FSTL5: variants seen among roughly 807,000 people sequenced by gnomAD.
The protein encoded by FSTL5 is follistatin like 5.
Under a neutral mutation model 89.1 loss-of-function variants are expected in FSTL5, and 62 were observed. The observed-to-expected ratio is 0.70, with a 90% CI of 0.57 to 0.86. The LOEUF (loss-of-function observed/expected upper bound fraction) is 0.86, where lower values mean the gene tolerates loss of function less well. Ranked by LOEUF, FSTL5 falls within the 40% of genes least tolerant of loss-of-function variation. The pLI is 0.00. For missense variants in FSTL5, 1,057 were observed against 1,001.6 expected, an observed-to-expected ratio of 1.06 and a Z score of -0.75; for synonymous variants, 383 against 346.2, an observed-to-expected ratio of 1.11 and a Z score of -1.18.
chr4:161,990,039 T>C (rs77982905), intron 3 of FSTL5, among the ~76,000 whole-genome samples: 8,370 of 152,250 alleles, frequency 0.055, 265 homozygotes, highest in Non-Finnish European at 0.077. Flanking sequence ...TAAATTTACA[T>C]GCATAGGAAA....
chr4:161,426,423 T>G (rs1732169307), intron 15 of FSTL5, among the ~76,000 whole-genome samples: 1 of 152,308 alleles, frequency 6.6e-6, no homozygotes, highest in African/African-American at 2.4e-5. Context: ...TCTGGAAAGA[T>G]TCTCAGAACT....
At chr4:161,549,844 T>C (rs1329903737) in intron 8 of FSTL5, among the ~76,000 whole-genome samples, 1 of 151,980 alleles carries the variant, frequency 6.6e-6, no homozygotes, top group Non-Finnish European at 1.5e-5. Flanking sequence ...TTCAAATATG[T>C]GCAAAGTTAA....
At chr4:162,015,549 T>C (rs1736892617) in intron 3 of FSTL5, among the ~76,000 whole-genome samples, 2 of 152,166 alleles carry the variant, frequency 1.3e-5, no homozygotes, top group Non-Finnish European at 1.5e-5. Context: ...AGAAAGAACC[T>C]TGCAGTGTAA....
intron 6 of FSTL5, among the ~76,000 whole-genome samples, chr4:161,721,939 A>C (rs1739234298): frequency 6.6e-6 from 1 of 152,194 alleles, no homozygotes; most frequent in Non-Finnish European, 1.5e-5. Context: ...CCAGAGGTCA[A>C]AGTAATTGAA....
chr4:162,012,019 T>C (rs1192293528), intron 3 of FSTL5, among the ~76,000 whole-genome samples: 1 of 152,220 alleles, frequency 6.6e-6, no homozygotes, highest in Non-Finnish European at 1.5e-5. Context: ...TTCATAATTG[T>C]ATATTCTTAT....
intron 7 of FSTL5, among the ~76,000 whole-genome samples, chr4:161,617,560 T>A (rs1052457524): frequency 6.6e-6 from 1 of 152,018 alleles, no homozygotes; most frequent in Non-Finnish European, 1.5e-5. Flanking sequence ...AAATCATACC[T>A]AGGCAAATCA....
intron 6 of FSTL5, among the ~76,000 whole-genome samples, chr4:161,657,725 A>C (rs189751266): frequency 6.6e-6 from 1 of 152,196 alleles, no homozygotes; most frequent in Non-Finnish European, 1.5e-5. Context: ...ATCATCACAA[A>C]TTGCAATGCC....
chr4:162,046,069 T>C (rs1274720210), intron 2 of FSTL5, among the ~76,000 whole-genome samples: 2 of 152,184 alleles, frequency 1.3e-5, no homozygotes, highest in Non-Finnish European at 2.9e-5. Context: ...ATTAAGTTTC[T>C]TATTATCATC....
chr4:161,856,141 A>G (rs1218936920), intron 4 of FSTL5, among the ~76,000 whole-genome samples: 1 of 152,110 alleles, frequency 6.6e-6, no homozygotes, highest in African/African-American at 2.4e-5. Context: ...TTTGAGGTTG[A>G]GGAAACAGTG....
intron 10 of FSTL5, among the ~76,000 whole-genome samples, chr4:161,535,193 A>G (rs978362855): frequency 1.3e-5 from 2 of 152,156 alleles, no homozygotes; most frequent in African/African-American, 4.8e-5. Flanking sequence ...CCTCAAAAGC[A>G]ATCGCAACAG....
intron 8 of FSTL5, among the ~76,000 whole-genome samples, chr4:161,584,359 C>T (rs1412248720): frequency 1.3e-5 from 2 of 152,164 alleles, no homozygotes; most frequent in Non-Finnish European, 2.9e-5. Flanking sequence ...TATTCATCTT[C>T]CAAAGATCAG....
chr4:161,922,941 GTC>G (rs1454694655), intron 3 of FSTL5, among the ~76,000 whole-genome samples: 1 of 151,900 alleles, frequency 6.6e-6, no homozygotes, highest in East Asian at 1.9e-4. Flanking sequence ...GTTTGAAGGT[GTC>G]TCTGTATTTT....
chr4:161,471,049 T>A (rs1733918146), intron 13 of FSTL5, among the ~76,000 whole-genome samples: 1 of 152,240 alleles, frequency 6.6e-6, no homozygotes, highest in African/African-American at 2.4e-5. Flanking sequence ...TATTCCTTTT[T>A]AACTTGGAAG....
At position 161,873,127 on chromosome 4, in the gene FSTL5, G is replaced by A. The variant is rs118049813; in HGVS notation, c.409+47277C>T. ...TCTAACTGTTAAGAGGCAAAAGATAGCCACACTCATCCTAAGAAGCAAGGA... is the reference window on the plus strand; with the variant it reads ...TCTAACTGTTAAGAGGCAAAAGATAACCACACTCATCCTAAGAAGCAAGGA... On this transcript the variant is annotated intron_variant, in intron 4 of 15. Transcript: ENST00000306100. Among the ~76,000 whole-genome samples, 94 of 152,226 alleles carry A rather than the reference G, an allele frequency of 6.2e-4. 3 individuals are homozygous for A. In the East Asian group the frequency reaches 0.018, roughly 29 times the overall value.
At chr4:161,900,480 A>T (rs1399416106) in intron 4 of FSTL5, among the ~76,000 whole-genome samples, 1 of 151,472 alleles carries the variant, frequency 6.6e-6, no homozygotes, top group East Asian at 2.0e-4. Flanking sequence ...CTCTACTAAA[A>T]ACACAAAAAT....
At chr4:161,579,878 C>T (rs1348829078) in intron 8 of FSTL5, among the ~76,000 whole-genome samples, 1 of 152,054 alleles carries the variant, frequency 6.6e-6, no homozygotes, top group Non-Finnish European at 1.5e-5. Flanking sequence ...ACTTCTTTCC[C>T]TGAAAGTGAC....
chr4:161,917,817 C>T (rs1371975918), intron 4 of FSTL5, among the ~76,000 whole-genome samples: 1 of 152,174 alleles, frequency 6.6e-6, no homozygotes, highest in Non-Finnish European at 1.5e-5. Flanking sequence ...ACTCAACTCT[C>T]CTTTCCCAAT....
intron 8 of FSTL5, among the ~76,000 whole-genome samples, chr4:161,574,029 T>A (rs1733125199): frequency 6.6e-6 from 1 of 152,180 alleles, no homozygotes; most frequent in Admixed American, 6.5e-5. Flanking sequence ...TATTGGCTGA[T>A]GACTCATTCC....
intron 3 of FSTL5, among the ~76,000 whole-genome samples, chr4:161,992,439 C>A (rs1736138149): frequency 6.6e-6 from 1 of 151,928 alleles, no homozygotes; most frequent in South Asian, 2.1e-4. Flanking sequence ...AAGCTGATTA[C>A]AAGAATTAAC....
Sources: gnomAD v4.1 joint callset for allele counts (sites outside exome capture counted in the v4.1 genomes callset) on GRCh38, gnomAD v4.1.1 for gene constraint, MANE v1.5 for transcripts, NCBI Gene and HGNC (gene_info 2026-07-23, HGNC 2026-07-21) for gene names.